Variants in TMEM143 observed in about 807,000 individuals in gnomAD.
The protein encoded by TMEM143 is transmembrane protein 143.
Under a neutral mutation model 40.3 loss-of-function variants are expected in TMEM143, and 45 were observed. That is an observed-to-expected ratio of 1.12 (90% CI 0.88 to 1.43). The LOEUF (loss-of-function observed/expected upper bound fraction) is 1.43, where lower values mean the gene tolerates loss of function less well. TMEM143 is among the 40% of genes most tolerant of loss of function. TMEM143 has a pLI of 0.00. For synonymous variants in TMEM143, 299 were observed against 282.7 expected, an observed-to-expected ratio of 1.06 and a Z score of -0.58; for missense variants, 620 against 613.4, an observed-to-expected ratio of 1.01 and a Z score of -0.11.
intron 3 of TMEM143, among the ~76,000 whole-genome samples, chr19:48,351,228 A>G (rs1969766757): frequency 6.6e-6 from 1 of 151,992 alleles, no homozygotes; most frequent in South Asian, 2.1e-4. Flanking sequence ...AAAAGATGCA[A>G]CTCCATCCTT....
In TMEM143 at chr19:48,356,892, CCTTTT is replaced by C. The variant is rs1387466088; in HGVS notation, c.369+3175_369+3179del. ...TACAGGCGTGAGCCACAGCACCTGGCCTTTTTTTTTTTTTTTTTTTTTTTTTTTTT... is the reference window on the plus strand; with the variant it reads ...TACAGGCGTGAGCCACAGCACCTGGCTTTTTTTTTTTTTTTTTTTTTTTTT... On this transcript the variant is annotated intron_variant, in intron 3 of 7. Transcript: ENST00000293261. Among the ~76,000 whole-genome samples, 796 of 129,732 alleles carry C rather than the reference CCTTTT, an allele frequency of 6.1e-3. 34 individuals are homozygous for C. Among genetic ancestry groups the C allele is most frequent in the African/African-American group, 0.022 (736 of 33,026 alleles). 85.1% of individuals were successfully genotyped at this position (129,732 alleles called of 152,430 possible). A position where few individuals can be genotyped will look rare whatever the true frequency, so the allele number is the denominator to read the frequency against.
intron 3 of TMEM143, among the ~76,000 whole-genome samples, chr19:48,349,152 T>G (rs1218423335): frequency 6.6e-6 from 1 of 152,012 alleles, no homozygotes; most frequent in African/African-American, 2.4e-5. Context: ...TGATCACAGC[T>G]TGGCACTCCA....
intron 3 of TMEM143, among the ~76,000 whole-genome samples, chr19:48,352,815 C>T (rs1366133113): frequency 6.6e-6 from 1 of 151,936 alleles, no homozygotes; most frequent in Non-Finnish European, 1.5e-5. Flanking sequence ...CAGAGCCTTA[C>T]TATGTTGTCC....
chr19:48,347,089 C>A (rs1251651481), intron 3 of TMEM143, among the ~76,000 whole-genome samples: 1 of 152,170 alleles, frequency 6.6e-6, no homozygotes, highest in African/African-American at 2.4e-5. Flanking sequence ...CTAAAAAACT[C>A]TTGGAATGAA....
chr19:48,353,191 T>TG (rs1047598101), intron 3 of TMEM143, among the ~76,000 whole-genome samples: 1 of 151,372 alleles, frequency 6.6e-6, no homozygotes, highest in Non-Finnish European at 1.5e-5. Flanking sequence ...AACTTTTTTT[T>TG]TTTTTTTAAA....
intron 3 of TMEM143, among the ~76,000 whole-genome samples, chr19:48,354,741 A>G (rs967219531): frequency 1.3e-5 from 2 of 152,148 alleles, no homozygotes; most frequent in Non-Finnish European, 2.9e-5. Flanking sequence ...GCGAAAAAAG[A>G]TCAGAGAGAG....
Position 48,333,486 on chromosome 19 carries a change from C to G in TMEM143, c.1166-53G>C, listed in dbSNP as rs994875244. 2.8e-5 allele frequency: 37 copies of G among 1,315,618 alleles called. No individual in the cohort carries two copies. The highest frequency in any genetic ancestry group is 4.4e-4 in the Middle Eastern group (2 of 4,496). The allele number at this position is 1,315,618 out of a possible 1,614,324, so 81.5% of individuals were successfully genotyped here. A position where few individuals can be genotyped will look rare whatever the true frequency, so the allele number is the denominator to read the frequency against. On this transcript the variant is annotated intron_variant, in intron 7 of 7. Coordinates refer to ENST00000293261, the MANE Select transcript of TMEM143 (RefSeq NM_018273.4). This position sits in a 1 kb window ranked among gnomAD's most constrained non-coding sequence, Gnocchi z 4.1. ...GGTCACACTGAGATCGGGGAAGATT[C>G]GAGGGAGCAGCAAGGAGGGGCGTAG...
rs1052021201 is a variant in TMEM143 at position 48,343,416 on chromosome 19, G to A, written c.600C>T (p.His200=). Residue 200 remains histidine, a synonymous_variant, in exon 5 of 8, where the codon CAC becomes CAT. Coordinates refer to ENST00000293261, the MANE Select transcript of TMEM143 (RefSeq NM_018273.4). Reference sequence around the variant, plus strand: ...CGACTCGCTGGCCCAGGGCCCAGAAGTGAATGTAGACATACTGATCCAAAT... The same window carrying A: ...CGACTCGCTGGCCCAGGGCCCAGAAATGAATGTAGACATACTGATCCAAAT... ...TVNLDQYVYI[H]FWALGQRVGQ... The A allele has an allele frequency of 1.9e-5, 31 of 1,590,330 alleles. No individual in the cohort carries two copies. Among genetic ancestry groups the A allele is most frequent in the Non-Finnish European group, 2.6e-5 (30 of 1,168,164 alleles).
chr19:48,333,878 T>C lies in TMEM143; in HGVS notation c.1165+130A>G. The C allele has an allele frequency of 3.0e-6, 3 of 999,844 alleles. No homozygotes were observed. Among genetic ancestry groups the C allele is most frequent in the Non-Finnish European group, 4.3e-6 (3 of 704,106 alleles). 61.9% of individuals were successfully genotyped at this position (999,844 alleles called of 1,614,324 possible). A position where few individuals can be genotyped will look rare whatever the true frequency, so the allele number is the denominator to read the frequency against. On this transcript the variant is annotated intron_variant, in intron 7 of 7. Transcript: ENST00000293261. The surrounding 1 kb of genome is among the most constrained non-coding windows in gnomAD (Gnocchi z 4.1). ...GTCTGGATTCGGAGGTCCTGTCTGCTGAGGGCCGGGGTCTCTTCGCAAACC... is the reference window on the plus strand; with the variant it reads ...GTCTGGATTCGGAGGTCCTGTCTGCCGAGGGCCGGGGTCTCTTCGCAAACC...
chr19:48,343,577 C>G, intron 4 of TMEM143, 126 bp from the exon 5 acceptor site: 1 of 1,272,750 alleles, frequency 7.9e-7, no homozygotes, highest in East Asian at 2.6e-5. Flanking sequence ...CATTCACCAT[C>G]TAGGCAGGGC....
intron 2 of TMEM143, among the ~76,000 whole-genome samples, chr19:48,360,749 T>C (rs1464426531): frequency 6.6e-6 from 1 of 152,078 alleles, no homozygotes; most frequent in Non-Finnish European, 1.5e-5. Flanking sequence ...CAGGAACGGT[T>C]TGACAGTGTA....
At chr19:48,362,193 G>C (rs1357659319) in intron 2 of TMEM143, among the ~76,000 whole-genome samples, 1 of 148,914 alleles carries the variant, frequency 6.7e-6, no homozygotes, top group Non-Finnish European at 1.5e-5. Flanking sequence ...TGTGTATCAA[G>C]TCCAGCACAG....
intron 6 of TMEM143, among the ~76,000 whole-genome samples, chr19:48,340,937 C>T (rs1465484672): frequency 6.6e-6 from 1 of 152,160 alleles, no homozygotes; most frequent in African/African-American, 2.4e-5. Context: ...GAGCTTTCCT[C>T]AGATCCTACC....
chr19:48,350,965 T>C (rs1969756632), intron 3 of TMEM143, among the ~76,000 whole-genome samples: 1 of 151,458 alleles, frequency 6.6e-6, no homozygotes, highest in African/African-American at 2.4e-5. Context: ...AATTGGGTCT[T>C]TGTGGCAATT....
chr19:48,355,981 GT>G (rs1302899925), intron 3 of TMEM143, among the ~76,000 whole-genome samples: 2 of 152,222 alleles, frequency 1.3e-5, no homozygotes, highest in African/African-American at 4.8e-5. Context: ...AGCATCCCTG[GT>G]TGGCAGTACT....
At chr19:48,355,300 A>G (rs1969863793) in intron 3 of TMEM143, among the ~76,000 whole-genome samples, 1 of 152,136 alleles carries the variant, frequency 6.6e-6, no homozygotes, top group African/African-American at 2.4e-5. Context: ...CAAAGTGCTC[A>G]GATCACAGAC....
At chr19:48,352,090 A>G (rs1209072105) in intron 3 of TMEM143, among the ~76,000 whole-genome samples, 26 of 151,588 alleles carry the variant, frequency 1.7e-4, no homozygotes, top group Non-Finnish European at 3.2e-4. Context: ...TACTAAAAAT[A>G]CAAAAAATTA....
rs1969263065 is a variant in TMEM143 at position 48,333,367 on chromosome 19, G to A, written c.1232C>T (p.Thr411Ile). 2 of 1,609,418 alleles carry A rather than the reference G, an allele frequency of 1.2e-6. No homozygotes were observed. The highest frequency in any genetic ancestry group is 1.7e-6 in the Non-Finnish European group (2 of 1,176,750). Residue 411 changes from threonine (T) to isoleucine (I), a missense_variant, in exon 8 of 8, where the codon ACC becomes ATC. Thr to Ile is a moderately conservative substitution (Grantham distance 89, BLOSUM62 -1). Transcript: ENST00000293261. This position sits in a 1 kb window ranked among gnomAD's most constrained non-coding sequence, Gnocchi z 4.1. ...CGCCAGGGCCCGAGTTCCGTTGAAG[G>A]TCACCTCACAGCCTGACTTGGCTAG... Reference protein sequence around the residue: ...WLLAKSGCEVTFNGTRALAHL... With the variant: ...WLLAKSGCEVIFNGTRALAHL...
chr19:48,360,360 T>C (rs773081426), intron 2 of TMEM143, 184 bp from the exon 3 acceptor site: 72 of 568,490 alleles, frequency 1.3e-4, no homozygotes, highest in Admixed American at 3.1e-4. Flanking sequence ...AGTGGATCAC[T>C]TGAAGTCAGG....
Sources: allele counts gnomAD v4.1 joint callset (sites outside exome capture counted in the v4.1 genomes callset), GRCh38; gene constraint gnomAD v4.1.1; non-coding constraint Gnocchi (gnomAD v3.1); transcripts MANE v1.5; gene names NCBI Gene and HGNC (gene_info 2026-07-23, HGNC 2026-07-21).